The following CES5A variants were observed in gnomAD, a reference collection of about 807,000 sequenced individuals.
CES5A encodes carboxylesterase 5A.
In CES5A, 67 loss-of-function variants were observed where a neutral mutation model predicts 62.9. The observed-to-expected ratio is 1.07, with a 90% CI of 0.88 to 1.31. CES5A has a LOEUF of 1.31. Ranked by LOEUF, CES5A falls within the 50% of genes most tolerant of loss-of-function variation. The probability of loss-of-function intolerance (pLI) is 0.00; values close to 1 mark genes in which losing one functional copy is unlikely to be tolerated. For missense variants in CES5A, 748 were observed against 708.5 expected, an observed-to-expected ratio of 1.06 and a Z score of -0.63; for synonymous variants, 296 against 280.8, an observed-to-expected ratio of 1.05 and a Z score of -0.54.
Position 55,874,015 on chromosome 16 carries a change from CTG to C in CES5A, c.94_95del (p.Gln32GlufsTer51), listed in dbSNP as rs1166147316. Reference protein sequence around the residue: ...PTKGPSAEGPQRNTRLGWIQG... With the variant: ...PTKGPSAEGPXRNTRLGWIQG... ...GAATCCATCCCAGCCTGGTGTTCCT[CTG>C]TGGCCCTTCAGCAGAAGGCCCTGCG... On this transcript the variant is annotated frameshift_variant, in exon 2 of 13. Transcript: ENST00000290567. LOFTEE classifies it high-confidence loss of function. 6.2e-7 allele frequency: 1 copy of C among 1,607,530 alleles called. No individual in the cohort carries two copies.
intron 11 of CES5A, 122 bp from the exon 12 acceptor site, chr16:55,846,962 G>A (rs11076122): frequency 0.24 from 201,919 of 838,052 alleles, 26,268 homozygotes; most frequent in African/African-American, 0.44. Context: ...AGCCTACCAA[G>A]TCACTGTACC....
chr16:55,877,848 G>A (rs1446390108), upstream of CES5A, among the ~76,000 whole-genome samples: 1 of 152,186 alleles, frequency 6.6e-6, no homozygotes, highest in Non-Finnish European at 1.5e-5. Context: ...AGAACAGCTG[G>A]AACTAAAGCC....
At chr16:55,911,492 T>TC (rs2142450588) in intron 1 of CES5A, among the ~76,000 whole-genome samples, 1 of 152,226 alleles carries the variant, frequency 6.6e-6, no homozygotes, top group Admixed American at 6.5e-5. Flanking sequence ...AAAACAAAGG[T>TC]GCATGTCTTT....
chr16:55,900,624 A>G (rs1346276063), intron 1 of CES5A, among the ~76,000 whole-genome samples: 5 of 152,130 alleles, frequency 3.3e-5, no homozygotes, highest in Non-Finnish European at 7.4e-5. Flanking sequence ...CCTGCAGCAA[A>G]ATTCTGCTTG....
intron 1 of CES5A, among the ~76,000 whole-genome samples, chr16:55,899,382 G>A (rs539216495): frequency 1.3e-5 from 2 of 152,290 alleles, no homozygotes; most frequent in Non-Finnish European, 1.5e-5. Context: ...TTCTGAGCTG[G>A]GAGCCAGCAA....
chr16:55,951,865 A>G (rs531198854), intron 1 of CES5A, among the ~76,000 whole-genome samples: 6 of 152,342 alleles, frequency 3.9e-5, no homozygotes, highest in East Asian at 3.9e-4. Flanking sequence ...CTTATTATTC[A>G]TCTCTCAGAA....
At chr16:55,871,550 A>G in intron 3 of CES5A, 75 bp downstream of exon 3, 3 of 1,548,906 alleles carry the variant, frequency 1.9e-6, no homozygotes, top group South Asian at 1.2e-5. Context: ...AATTCCAGAC[A>G]TGTAGCTGCA....
rs527851308 is a variant in CES5A, at chr16:55,931,146, C to T, written c.160+18639G>A. On this transcript the variant is annotated intron_variant, in intron 2 of 13. Transcript: ENST00000521992. Reference sequence around the variant, plus strand: ...CTTGACTCCTAGTCCAGTGCTTTTTCCACTCCACCCTCTGCTATTCTTTCT... The same window carrying T: ...CTTGACTCCTAGTCCAGTGCTTTTTTCACTCCACCCTCTGCTATTCTTTCT... Among the ~76,000 whole-genome samples the T allele has an allele frequency of 2.0e-5, 3 of 152,304 alleles. No individual in the cohort carries two copies. In the East Asian group the frequency reaches 5.8e-4, roughly 29 times the overall value.
chr16:55,866,596 G>A (rs1425525162), intron 4 of CES5A, among the ~76,000 whole-genome samples: 3 of 149,996 alleles, frequency 2.0e-5, no homozygotes, highest in Non-Finnish European at 4.4e-5. Flanking sequence ...GCCGAGGCGG[G>A]CAGATCATGA....
In CES5A at chr16:55,873,921, C is replaced by G. The variant is rs1567335566; in HGVS notation, c.190G>C (p.Ala64Pro). Residue 64 changes from alanine (A) to proline (P), a missense_variant, in exon 2 of 13, where the codon GCT (alanine) becomes CCT (proline). By Grantham distance (27) the Ala-to-Pro change is conservative. Coordinates refer to ENST00000290567, the MANE Select transcript of CES5A (RefSeq NM_001143685.2). ...VNVFLGVPFA[A>P]PPLGSLRFTN... ...AATCGCAGGGATCCCAGCGGGGGAG[C>G]AGCAAAGGGGACTCCGAGGAACACG... is the stretch of plus-strand genomic sequence containing the variant. 3 of 1,613,902 alleles carry G rather than the reference C, an allele frequency of 1.9e-6. No homozygotes were observed. The highest frequency in any genetic ancestry group is 2.5e-6 in the Non-Finnish European group (3 of 1,180,016).
upstream of CES5A, among the ~76,000 whole-genome samples, chr16:55,929,276 C>T (rs1032612568): frequency 6.6e-6 from 1 of 152,222 alleles, no homozygotes; most frequent in African/African-American, 2.4e-5. Context: ...CCAACAGCCT[C>T]GCCAAGGGAG....
At chr16:55,864,716 T>C (rs2142401767) in intron 5 of CES5A, among the ~76,000 whole-genome samples, 1 of 151,030 alleles carries the variant, frequency 6.6e-6, no homozygotes, top group South Asian at 2.1e-4. Flanking sequence ...GCAATATAGC[T>C]AGACCCCATC....
chr16:55,891,742 G>A (rs2033881198), intron 1 of CES5A, among the ~76,000 whole-genome samples: 1 of 152,158 alleles, frequency 6.6e-6, no homozygotes, highest in Non-Finnish European at 1.5e-5. Flanking sequence ...CTTTAGCTTA[G>A]TGGTTTTGGG....
chr16:55,936,212 T>A (rs1382311330), intron 2 of CES5A, among the ~76,000 whole-genome samples: 1 of 152,198 alleles, frequency 6.6e-6, no homozygotes, highest in African/African-American at 2.4e-5. Context: ...TAACTTCCCA[T>A]GATACTTGGA....
intron 1 of CES5A, among the ~76,000 whole-genome samples, chr16:55,897,271 G>T (rs1421418011): frequency 6.6e-6 from 1 of 152,126 alleles, no homozygotes; most frequent in African/African-American, 2.4e-5. Flanking sequence ...TTTGCCTAGG[G>T]TTAGTGGGAG....
At chr16:55,848,191 C>T (rs11861877) in intron 11 of CES5A, among the ~76,000 whole-genome samples, 4,502 of 152,220 alleles carry the variant, frequency 0.03, 212 homozygotes, top group African/African-American at 0.099. Context: ...ACTGCAGCCT[C>T]GAACTCGGGC....
chr16:55,888,497 A>C (rs2033839807), intron 1 of CES5A, among the ~76,000 whole-genome samples: 1 of 152,192 alleles, frequency 6.6e-6, no homozygotes, highest in South Asian at 2.1e-4. Flanking sequence ...CCAAGTTGAC[A>C]ATAGCAAAAA....
rs148185948 is a variant in CES5A at position 55,869,022 on chromosome 16, A to G, written c.551+589T>C. Among the ~76,000 whole-genome samples the G allele has an allele frequency of 2.2e-3, 332 of 152,380 alleles. 12 individuals carry two copies. In the South Asian group the frequency reaches 0.034, roughly 16 times the overall value. On this transcript the variant is annotated intron_variant, in intron 4 of 12. Transcript: ENST00000290567. ...ATTGGAGGAGGGAAGCCACTGTGAT[A>G]GAGTGATGATTCTCAGGTGAGCATT...
At chr16:55,925,118 G>C (rs775704690) in intron 1 of CES5A, among the ~76,000 whole-genome samples, 1 of 151,856 alleles carries the variant, frequency 6.6e-6, no homozygotes, top group Non-Finnish European at 1.5e-5. Context: ...ACTCTCAACC[G>C]ACAACAGATT....
Sources: allele counts gnomAD v4.1 joint callset (sites outside exome capture counted in the v4.1 genomes callset), GRCh38; gene constraint gnomAD v4.1.1; transcripts MANE v1.5; gene names NCBI Gene and HGNC (gene_info 2026-07-23, HGNC 2026-07-21).